The following DCN variants were observed in gnomAD, a reference collection of about 807,000 sequenced individuals.
The protein encoded by DCN is decorin, also known as bone proteoglycan II.
A neutral mutation model predicts 36.5 loss-of-function variants in DCN; 17 were observed. The observed-to-expected ratio is 0.47, with a 90% CI of 0.32 to 0.70. DCN has a LOEUF of 0.70. DCN is among the 30% of genes least tolerant of loss of function. The pLI, the probability that DCN is intolerant of heterozygous loss-of-function variation, is 0.04. For synonymous variants in DCN, 163 were observed against 161.4 expected (o/e 1.01, Z -0.07); for missense variants, 389 against 430.1 (o/e 0.90, Z 0.84).
At chr12:91,177,249 A>C in intron 2 of DCN, 1 of 283,400 alleles carries the variant, frequency 3.5e-6, no homozygotes, top group Non-Finnish European at 6.6e-6. Context: ...AGTGTTTTTC[A>C]GTCGTTACTA....
At chr12:91,180,910 T>G (rs1355583607) in intron 1 of DCN, 1 of 152,152 alleles carries the variant, frequency 6.6e-6, no homozygotes, top group African/African-American at 2.4e-5. Context: ...GATGTCACTT[T>G]GAAATCTTTT....
In DCN at chr12:91,157,079, A is replaced by G; in HGVS notation, c.648T>C (p.Pro216=). 7 of 1,578,586 alleles carry G rather than the reference A, an allele frequency of 4.4e-6. No homozygotes were observed. Among genetic ancestry groups the G allele is most frequent in the Non-Finnish European group, 6.1e-6 (7 of 1,147,868 alleles). Residue 216 remains proline, a synonymous_variant, in exon 5 of 8, where the codon CCT becomes CCC. Coordinates refer to ENST00000052754, the MANE Select transcript of DCN (RefSeq NM_001920.5). ...TTTTGGAGAATCTTCTATCACCTTG[A>G]GGAATGCTGGTGATATTGGTATCAG... ...RIADTNITSI[P]QGLPPSLTEL... is the part of the protein sequence containing the mutation.
intron 2 of DCN, among the ~76,000 whole-genome samples, chr12:91,171,076 T>C (rs902832687): frequency 7.2e-5 from 11 of 152,170 alleles, no homozygotes; most frequent in Non-Finnish European, 1.2e-4. Flanking sequence ...TTAAATTATA[T>C]GTATCAATTA....
intron 3 of DCN, among the ~76,000 whole-genome samples, chr12:91,158,757 T>C (rs1340416515): frequency 2.0e-5 from 3 of 151,294 alleles, no homozygotes; most frequent in Non-Finnish European, 4.4e-5. Flanking sequence ...AGGCCAGGAG[T>C]TCGAGACAAG....
chr12:91,155,686 A>G (rs1267772762), intron 5 of DCN, among the ~76,000 whole-genome samples: 2 of 152,138 alleles, frequency 1.3e-5, no homozygotes, highest in Non-Finnish European at 2.9e-5. Context: ...TCTGAGATAT[A>G]AATATTTCAT....
chr12:91,158,497 C>G lies in DCN; in HGVS notation c.337G>C (p.Val113Leu). ...CTAACTTTGCTAATTTTATTGTTGA[C>G]AAGAATCAATGCCTGTAGATAGTGA... ...NLKNLHALIL[V>L]NNKISKVSPG... is the part of the protein sequence containing the mutation. The change falls in exon 4 of 8, where the codon GTC (valine) becomes CTC (leucine). Residue 113 changes from valine (V) to leucine (L), a missense_variant. Val to Leu is a conservative substitution (Grantham distance 32). Coordinates refer to ENST00000052754, the MANE Select transcript of DCN (RefSeq NM_001920.5). 1 of 1,574,494 alleles carries G rather than the reference C, an allele frequency of 6.4e-7. No individual in the cohort carries two copies. The highest frequency in any genetic ancestry group is 8.7e-7 in the Non-Finnish European group (1 of 1,144,012).
At chr12:91,179,563 A>G (rs932098417) in intron 1 of DCN, 1 of 152,178 alleles carries the variant, frequency 6.6e-6, no homozygotes, top group Non-Finnish European at 1.5e-5. Context: ...GTACTCCTTC[A>G]GGGCGTGTCT....
intron 2 of DCN, among the ~76,000 whole-genome samples, chr12:91,174,296 G>A (rs1235053193): frequency 8.6e-5 from 13 of 151,888 alleles, no homozygotes; most frequent in Non-Finnish European, 1.9e-4. Context: ...ACTATTTTGT[G>A]TCTAGCTTGA....
Position 91,178,599 on chromosome 12 carries a change from G to C in DCN, c.-33-14C>G, listed in dbSNP as rs1883444487. 6.5e-7 allele frequency: 1 copy of C among 1,538,114 alleles called. No homozygotes were observed. The highest frequency in any genetic ancestry group is 1.1e-5 in the South Asian group (1 of 89,274). On this transcript the variant is annotated splice_polypyrimidine_tract_variant and intron_variant, in intron 1 of 7. Transcript: ENST00000052754. ...CAACCAGGGAACCTAGGAAACAAATGAGAGATTTAAGAAGAGTAGCACTGC... is the reference window on the plus strand; with the variant it reads ...CAACCAGGGAACCTAGGAAACAAATCAGAGATTTAAGAAGAGTAGCACTGC...
At chr12:91,175,840 G>T (rs1018224740) in intron 2 of DCN, 1 of 152,076 alleles carries the variant, frequency 6.6e-6, no homozygotes, top group East Asian at 1.9e-4. Flanking sequence ...CAACTATACT[G>T]CATTTACAAT....
intron 5 of DCN, among the ~76,000 whole-genome samples, chr12:91,154,801 A>G (rs1344289245): frequency 6.6e-6 from 1 of 152,170 alleles, no homozygotes; most frequent in African/African-American, 2.4e-5. Flanking sequence ...CCTTACTTCT[A>G]TAGAGTAATC....
chr12:91,154,201 C>A lies in DCN; in HGVS notation c.653-1012G>T, dbSNP rs139506809. Among the ~76,000 whole-genome samples, 17 of 152,156 alleles carry A rather than the reference C, an allele frequency of 1.1e-4. No homozygotes were observed. In the East Asian group the frequency reaches 3.3e-3, roughly 29 times the overall value. On this transcript the variant is annotated intron_variant, in intron 5 of 7. Coordinates refer to ENST00000052754, the MANE Select transcript of DCN (RefSeq NM_001920.5). ...TGTCCATTTAATAAAATAGTTTAGT[C>A]CATATTTGACTTGAAAATGATTCTT...
intron 1 of DCN, among the ~76,000 whole-genome samples, chr12:91,181,843 C>G (rs1359701930): frequency 6.6e-6 from 1 of 151,440 alleles, no homozygotes; most frequent in South Asian, 2.1e-4. Flanking sequence ...GGCATTTATC[C>G]ACAAACAAGG....
In DCN at chr12:91,158,288, G is replaced by C; in HGVS notation, c.538+8C>G. ...GTTTTGGTCTTAAAGTTATAAAAAT[G>C]TCTGTACCTATGACAATCATCTGGT... On this transcript the variant is annotated splice_region_variant and intron_variant, in intron 4 of 7. Transcript: ENST00000052754. The C allele has an allele frequency of 6.4e-7, 1 of 1,563,414 alleles. No homozygotes were observed. Among genetic ancestry groups the C allele is most frequent in the Non-Finnish European group, 8.8e-7 (1 of 1,133,742 alleles).
At chr12:91,178,056 TAGA>T (rs3138170) in intron 2 of DCN, among the ~76,000 whole-genome samples, 2,569 of 152,194 alleles carry the variant, frequency 0.017, 67 homozygotes, top group African/African-American at 0.058. Context: ...TTTTATTTTG[TAGA>T]AGAAGGGATA....
intron 2 of DCN, chr12:91,177,025 G>A (rs937267064): frequency 1.3e-5 from 2 of 152,732 alleles, no homozygotes; most frequent in Non-Finnish European, 2.9e-5. Flanking sequence ...TAGAACATAA[G>A]ATCCACAAGA....
At chr12:91,153,365 A>G (rs1881559009) in intron 5 of DCN, among the ~76,000 whole-genome samples, 176 bp from the exon 6 acceptor site, 1 of 151,972 alleles carries the variant, frequency 6.6e-6, no homozygotes, top group Non-Finnish European at 1.5e-5. Context: ...TGCTTTTGGA[A>G]GTAGTGGAAG....
At chr12:91,172,930 T>G (rs1277520578) in intron 2 of DCN, 1 of 549,666 alleles carries the variant, frequency 1.8e-6, no homozygotes, top group Non-Finnish European at 3.2e-6. Context: ...ATCACAGATA[T>G]GTATATATAA....
chr12:91,157,173 G>C lies in DCN; in HGVS notation c.554C>G (p.Pro185Arg), dbSNP rs139057073. Residue 185 changes from proline (P) to arginine (R), a missense_variant, in exon 5 of 8, where the codon CCG (proline) becomes CGG (arginine). By Grantham distance (103) the Pro-to-Arg change is moderately radical. Coordinates refer to ENST00000052754, the MANE Select transcript of DCN (RefSeq NM_001920.5). ...QMIVIELGTNPLKSSGIENGA... is the reference protein window; with the variant it reads ...QMIVIELGTNRLKSSGIENGA... ...ATTTTCAATTCCTGAGCTCTTCAGCGGATTGGTGCCCAGTTCTACAAATGT... is the reference window on the plus strand; with the variant it reads ...ATTTTCAATTCCTGAGCTCTTCAGCCGATTGGTGCCCAGTTCTACAAATGT... 38 of 1,613,132 alleles carry C rather than the reference G, an allele frequency of 2.4e-5. No homozygotes were observed. The African/African-American group carries it at 4.7e-4, about 20-fold the overall frequency.
Sources: allele counts gnomAD v4.1 joint callset (sites outside exome capture counted in the v4.1 genomes callset), GRCh38; gene constraint gnomAD v4.1.1; transcripts MANE v1.5; gene names NCBI Gene and HGNC (gene_info 2026-07-23, HGNC 2026-07-21).